Variants in NECTIN3 observed in about 807,000 individuals in gnomAD.
The protein encoded by NECTIN3 is nectin-3.
In NECTIN3, 8 loss-of-function variants were observed where a neutral mutation model predicts 49.4. That is an observed-to-expected ratio of 0.16 (90% CI 0.10 to 0.29). NECTIN3 has a LOEUF of 0.29. NECTIN3 is among the 10% of genes least tolerant of loss of function. The probability of loss-of-function intolerance (pLI) is 1.00; values close to 1 mark genes in which losing one functional copy is unlikely to be tolerated. For synonymous variants in NECTIN3, 277 were observed against 241.1 expected, an observed-to-expected ratio of 1.15 and a Z score of -1.38; for missense variants, 581 against 654.6, an observed-to-expected ratio of 0.89 and a Z score of 1.23.
intron 1 of NECTIN3, among the ~76,000 whole-genome samples, chr3:111,108,912 G>A (rs1294241931): frequency 6.6e-6 from 1 of 152,120 alleles, no homozygotes; most frequent in Non-Finnish European, 1.5e-5. Flanking sequence ...ATTTCAACAT[G>A]AAATTTGTAG....
At chr3:111,075,169 A>T (rs2031092898) in intron 1 of NECTIN3, 1 of 152,174 alleles carries the variant, frequency 6.6e-6, no homozygotes, top group Non-Finnish European at 1.5e-5. Flanking sequence ...ACCTAAAGGA[A>T]ACATGATTGT....
At chr3:111,138,879 T>G (rs2034669001), downstream of NECTIN3, among the ~76,000 whole-genome samples, 1 of 151,626 alleles carries the variant, frequency 6.6e-6, no homozygotes, top group African/African-American at 2.4e-5. Context: ...TTAAGAGAAA[T>G]ATCCCAGGGA....
At chr3:111,091,733 G>A (rs1254743863) in intron 1 of NECTIN3, among the ~76,000 whole-genome samples, 3 of 151,980 alleles carry the variant, frequency 2.0e-5, no homozygotes, top group African/African-American at 7.2e-5. Context: ...TTCTGCTTTG[G>A]GGTTATTATA....
rs1007426680 is a variant in NECTIN3 at position 111,072,024 on chromosome 3, C to G, written c.7C>G (p.Arg3Gly). The change falls in exon 1 of 6, where the codon CGG (arginine) becomes GGG (glycine). Residue 3 changes from arginine to glycine, a missense_variant. Arg to Gly is a moderately radical substitution (Grantham distance 125). Transcript: ENST00000485303. The stretch of plus-strand genomic sequence containing the variant: ...GCCGGGGGGAGGGTGGGGGATGGCG[C>G]GGACCCTGCGGCCGTCCCCGCTGTG... The part of the protein sequence containing the change: MA[R>G]TLRPSPLCPG... 3 of 1,524,666 alleles carry G rather than the reference C, an allele frequency of 2.0e-6. No individual in the cohort carries two copies. Among genetic ancestry groups the G allele is most frequent in the African/African-American group, 2.9e-5 (2 of 69,656 alleles). The allele number at this position is 1,524,666 out of a possible 1,614,324, so 94.4% of individuals were successfully genotyped here.
At position 111,112,361 on chromosome 3, in the gene NECTIN3, A is replaced by G. The variant is rs1181750799; in HGVS notation, c.492A>G (p.Val164=). ...PLGNAQSSTT[V]TVLVEPTVSL... ...GAAATGCCCAGTCCTCTACAACTGT[A>G]ACTGTGTTAGGTAGGTATGCTTGAA... Residue 164 remains valine (V), a synonymous_variant, in exon 2 of 6, where the codon GTA becomes GTG. Coordinates refer to ENST00000485303, the MANE Select transcript of NECTIN3 (RefSeq NM_015480.3). The G allele has an allele frequency of 1.3e-6, 2 of 1,593,840 alleles. No homozygotes were observed. Among genetic ancestry groups the G allele is most frequent in the Non-Finnish European group, 1.7e-6 (2 of 1,165,302 alleles).
chr3:111,168,325 G>A (rs920861759), intron 7 of NECTIN3, among the ~76,000 whole-genome samples: 2 of 152,108 alleles, frequency 1.3e-5, no homozygotes, highest in African/African-American at 4.8e-5. Context: ...AGAAGCAGAA[G>A]ATATTCCCAT....
At chr3:111,085,981 T>C (rs1003984297) in intron 1 of NECTIN3, among the ~76,000 whole-genome samples, 1 of 152,204 alleles carries the variant, frequency 6.6e-6, no homozygotes, top group Non-Finnish European at 1.5e-5. Flanking sequence ...TCCTTTGTAA[T>C]ATCAGTATTT....
intron 7 of NECTIN3, among the ~76,000 whole-genome samples, chr3:111,185,332 G>T (rs1046032867): frequency 1.3e-5 from 2 of 152,180 alleles, no homozygotes; most frequent in Non-Finnish European, 2.9e-5. Flanking sequence ...GTGCGAGTGT[G>T]TGTGGATGGA....
chr3:111,086,788 A>C (rs1245175979), intron 1 of NECTIN3, among the ~76,000 whole-genome samples: 1 of 152,048 alleles, frequency 6.6e-6, no homozygotes, highest in African/African-American at 2.4e-5. Flanking sequence ...GTGGCAGTTC[A>C]TTAAATTTAT....
intron 6 of NECTIN3, among the ~76,000 whole-genome samples, chr3:111,147,121 C>A (rs1303447404): frequency 6.6e-6 from 1 of 152,232 alleles, no homozygotes; most frequent in African/African-American, 2.4e-5. Context: ...AAAGTAAAGT[C>A]ATATACTGGA....
intron 7 of NECTIN3, among the ~76,000 whole-genome samples, chr3:111,185,579 T>C (rs2035704998): frequency 6.6e-6 from 1 of 152,206 alleles, no homozygotes; most frequent in Non-Finnish European, 1.5e-5. Context: ...ATGAAACTTT[T>C]ACAGTGCCTT....
At chr3:111,083,764 C>A (rs1042982048) in intron 1 of NECTIN3, among the ~76,000 whole-genome samples, 22 of 151,998 alleles carry the variant, frequency 1.4e-4, no homozygotes, top group African/African-American at 5.3e-4. Flanking sequence ...AGAAGGTAGG[C>A]AACTAGAACT....
At chr3:111,139,471 C>A (rs1391359916), downstream of NECTIN3, among the ~76,000 whole-genome samples, 1 of 151,708 alleles carries the variant, frequency 6.6e-6, no homozygotes, top group Non-Finnish European at 1.5e-5. Context: ...ATAGTGAGAT[C>A]TAGAGCCTTG....
intron 1 of NECTIN3, among the ~76,000 whole-genome samples, chr3:111,083,126 C>G (rs1220932028): frequency 6.6e-6 from 1 of 152,152 alleles, no homozygotes; most frequent in Non-Finnish European, 1.5e-5. Flanking sequence ...CTGTGCGGTC[C>G]AGTTCCTGAC....
intron 7 of NECTIN3, among the ~76,000 whole-genome samples, chr3:111,185,264 T>C (rs933562348): frequency 7.9e-5 from 12 of 152,120 alleles, no homozygotes; most frequent in Non-Finnish European, 1.5e-5. Context: ...AATTTTTCTC[T>C]TCTTACGTCA....
intron 2 of NECTIN3, among the ~76,000 whole-genome samples, chr3:111,115,440 C>CTG (rs1257585258): frequency 1.3e-5 from 2 of 152,182 alleles, no homozygotes; most frequent in Non-Finnish European, 2.9e-5. Context: ...CAGCCCCTTG[C>CTG]TGTTTAAAAT....
chr3:111,124,437 A>C (rs2034078399), intron 4 of NECTIN3, among the ~76,000 whole-genome samples: 1 of 152,192 alleles, frequency 6.6e-6, no homozygotes, highest in Non-Finnish European at 1.5e-5. Context: ...TTCTCAGAGA[A>C]TTAAAGGGAT....
At position 111,136,457 on chromosome 3, in the gene NECTIN3, A is replaced by G. The variant is rs1403153378; in HGVS notation, c.*2242A>G. ...TATCCTTAATCCAATCATTTGGCAA[A>G]CTAAAAGGTTTCTGTGTTGTAAGAA... On this transcript the variant is annotated 3_prime_UTR_variant, in exon 6 of 6. Coordinates refer to ENST00000485303, the MANE Select transcript of NECTIN3 (RefSeq NM_015480.3). 1 of 984,108 alleles carries G rather than the reference A, an allele frequency of 1.0e-6. No individual in the cohort carries two copies. Among genetic ancestry groups the G allele is most frequent in the African/African-American group, 1.7e-5 (1 of 57,146 alleles). The allele number at this position is 984,108 out of a possible 1,614,324, so 61.0% of individuals were successfully genotyped here. A position where few individuals can be genotyped will look rare whatever the true frequency, so the allele number is the denominator to read the frequency against.
chr3:111,181,342 T>C (rs538402625), intron 7 of NECTIN3, among the ~76,000 whole-genome samples: 2 of 152,328 alleles, frequency 1.3e-5, no homozygotes, highest in East Asian at 3.9e-4. Flanking sequence ...GAGTATACTA[T>C]AATTTTTTAT....
Sources: allele counts gnomAD v4.1 joint callset (sites outside exome capture counted in the v4.1 genomes callset), GRCh38; gene constraint gnomAD v4.1.1; transcripts MANE v1.5; gene names NCBI Gene and HGNC (gene_info 2026-07-23, HGNC 2026-07-21).